Variants in RNF216 observed in about 807,000 individuals in gnomAD.
The protein encoded by RNF216 is E3 ubiquitin-protein ligase RNF216.
Under a neutral mutation model 110.8 loss-of-function variants are expected in RNF216, and 72 were observed. That is an observed-to-expected ratio of 0.65 (90% CI 0.54 to 0.79). The LOEUF (loss-of-function observed/expected upper bound fraction) is 0.79. Ranked by LOEUF, RNF216 falls within the 30% of genes least tolerant of loss-of-function variation. RNF216 has a pLI of 0.00. For missense variants in RNF216, 1,342 were observed against 1,141.2 expected (o/e 1.18, Z -2.54); for synonymous variants, 495 against 407.5 (o/e 1.21, Z -2.59).
chr7:5,710,409 G>A (rs185784783), intron 13 of RNF216, among the ~76,000 whole-genome samples: 2 of 151,674 alleles, frequency 1.3e-5, no homozygotes, highest in South Asian at 2.1e-4. Context: ...GAGAATAATG[G>A]TCTCTCCTCT....
chr7:5,691,235 C>T (rs1791318689), intron 13 of RNF216, among the ~76,000 whole-genome samples: 1 of 152,228 alleles, frequency 6.6e-6, no homozygotes, highest in African/African-American at 2.4e-5. Context: ...GGGAGACAAG[C>T]CACCTGACAC....
chr7:5,633,611 A>T (rs1276221321), intron 15 of RNF216, among the ~76,000 whole-genome samples: 2 of 152,128 alleles, frequency 1.3e-5, no homozygotes, highest in Non-Finnish European at 2.9e-5. Flanking sequence ...AAACAAGGAA[A>T]TAAGCGGATT....
rs1791607917 is a variant in RNF216 at position 5,696,050 on chromosome 7, C to A, written c.2061+15711G>T. On this transcript the variant is annotated intron_variant, in intron 13 of 16. Coordinates refer to ENST00000389902, the MANE Select transcript of RNF216 (RefSeq NM_207111.4). The surrounding 1 kb of genome is among the most constrained non-coding windows in gnomAD (Gnocchi z 5.4). ...AGGGGCTGTGGCTCTCAGCACAACCCAGCACGGCCTTGATCCCTGACTCCC... is the reference window on the plus strand; with the variant it reads ...AGGGGCTGTGGCTCTCAGCACAACCAAGCACGGCCTTGATCCCTGACTCCC... Among the ~76,000 whole-genome samples, 1 of 152,116 alleles carries A rather than the reference C, an allele frequency of 6.6e-6. No homozygotes were observed. Among genetic ancestry groups the A allele is most frequent in the South Asian group, 2.1e-4 (1 of 4,822 alleles).
At chr7:5,725,829 C>T (rs552214792) in intron 7 of RNF216, among the ~76,000 whole-genome samples, 3 of 144,466 alleles carry the variant, frequency 2.1e-5, no homozygotes, top group Non-Finnish European at 4.5e-5. Context: ...CACCACTGCA[C>T]TCCAGCCTGG....
chr7:5,766,200 G>T (rs1327674457), intron 1 of RNF216, among the ~76,000 whole-genome samples: 1 of 152,058 alleles, frequency 6.6e-6, no homozygotes, highest in South Asian at 2.1e-4. Flanking sequence ...TGAAGCAGGA[G>T]GATCTCCTGA....
chr7:5,721,123 T>G lies in RNF216; in HGVS notation c.1554A>C (p.Arg518=). Residue 518 remains arginine (R), a synonymous_variant, in exon 9 of 17, where the codon CGA becomes CGC. Coordinates refer to ENST00000389902, the MANE Select transcript of RNF216 (RefSeq NM_207111.4). ...KRMFFLENKR[R]HCRSYDRRAL... is the part of the protein sequence containing the mutation. ...CACGTCGGTCATAGGACCTACAATG[T>G]CGTCGCTTATTTTCAAGAAAGAACA... 1 of 1,614,008 alleles carries G rather than the reference T, an allele frequency of 6.2e-7. No homozygotes were observed. Among genetic ancestry groups the G allele is most frequent in the South Asian group, 1.1e-5 (1 of 91,080 alleles).
At chr7:5,675,446 T>C (rs1274163687) in intron 13 of RNF216, among the ~76,000 whole-genome samples, 1 of 152,004 alleles carries the variant, frequency 6.6e-6, no homozygotes, top group Non-Finnish European at 1.5e-5. Context: ...GAGACAAGCC[T>C]GGACAACAAA....
intron 15 of RNF216, among the ~76,000 whole-genome samples, chr7:5,638,684 C>G (rs369168799): frequency 6.8e-6 from 1 of 148,104 alleles, no homozygotes; most frequent in Non-Finnish European, 1.5e-5. Context: ...GTCACCCAGG[C>G]TACAGTGCAG....
intron 2 of RNF216, 85 bp from the exon 3 acceptor site, chr7:5,753,064 C>T: frequency 7.2e-7 from 1 of 1,389,190 alleles, no homozygotes. Context: ...GGGGTACAGC[C>T]TAAAGCCAAC....
At chr7:5,755,536 G>A (rs1417878986) in intron 2 of RNF216, among the ~76,000 whole-genome samples, 3 of 152,096 alleles carry the variant, frequency 2.0e-5, no homozygotes, top group Non-Finnish European at 4.4e-5. Flanking sequence ...GTCCTCAAAG[G>A]GAGGATTTCT....
At chr7:5,725,155 CT>C in intron 8 of RNF216, among the ~76,000 whole-genome samples, 168 bp downstream of exon 8, 1 of 152,332 alleles carries the variant, frequency 6.6e-6, no homozygotes, top group South Asian at 2.1e-4. Context: ...AGTGCAGCCA[CT>C]TCCTAAAAAT....
intron 1 of RNF216, among the ~76,000 whole-genome samples, chr7:5,775,613 T>C (rs1314114531): frequency 1.3e-5 from 2 of 152,120 alleles, no homozygotes; most frequent in Non-Finnish European, 2.9e-5. Flanking sequence ...CTCACACCTG[T>C]AATCCCAAAA....
At chr7:5,725,058 C>CAA (rs1157900314) in intron 8 of RNF216, among the ~76,000 whole-genome samples, 1 of 152,190 alleles carries the variant, frequency 6.6e-6, no homozygotes, top group Admixed American at 6.5e-5. Context: ...ACAGCACACT[C>CAA]AAATACCTTC....
At chr7:5,679,754 G>C (rs976245784) in intron 13 of RNF216, among the ~76,000 whole-genome samples, 10 of 152,190 alleles carry the variant, frequency 6.6e-5, no homozygotes, top group Non-Finnish European at 1.0e-4. Context: ...AGAGAAGAGC[G>C]TATCTGTGTG....
Position 5,774,057 on chromosome 7 carries a change from A to G in RNF216, c.-70+7484T>C, listed in dbSNP as rs1234320487. On this transcript the variant is annotated intron_variant, in intron 1 of 16. Coordinates refer to ENST00000389902, the MANE Select transcript of RNF216 (RefSeq NM_207111.4). ...ACACCAGTGGCCCCAACCTGTGAGA[A>G]GAAAAGAATTCTGATGATGGAATTT... Among the ~76,000 whole-genome samples the G allele has an allele frequency of 2.0e-5, 3 of 152,152 alleles. No individual in the cohort carries two copies. In the East Asian group the frequency reaches 5.8e-4, roughly 29 times the overall value.
At chr7:5,660,965 TTTTG>T (rs1384475123) in intron 13 of RNF216, among the ~76,000 whole-genome samples, 60 of 144,442 alleles carry the variant, frequency 4.2e-4, no homozygotes, top group African/African-American at 1.5e-3. Context: ...TTTTTTTTTT[TTTTG>T]AAACAGCATC....
chr7:5,735,325 A>G (rs1161079068), intron 5 of RNF216, among the ~76,000 whole-genome samples: 2 of 152,202 alleles, frequency 1.3e-5, no homozygotes, highest in Non-Finnish European at 2.9e-5. Flanking sequence ...TTTAGAAAAT[A>G]CACAAGAAAA....
chr7:5,660,265 C>CTTTTTTATTTTTTTTT (rs1789021661), intron 13 of RNF216, among the ~76,000 whole-genome samples: 1 of 33,604 alleles, frequency 3.0e-5, no homozygotes, highest in Non-Finnish European at 6.1e-5. Flanking sequence ...GTTTTAAATT[C>CTTTTTTATTTTTTTTT]TTTTTTTTTT....
At chr7:5,654,038 G>A (rs192562144) in intron 13 of RNF216, among the ~76,000 whole-genome samples, 7 of 152,284 alleles carry the variant, frequency 4.6e-5, no homozygotes, top group East Asian at 1.9e-4. Flanking sequence ...GAAGTAACAC[G>A]ATCAGGTATG....
Sources: allele counts gnomAD v4.1 joint callset (sites outside exome capture counted in the v4.1 genomes callset), GRCh38; gene constraint gnomAD v4.1.1; non-coding constraint Gnocchi (gnomAD v3.1); transcripts MANE v1.5; gene names NCBI Gene and HGNC (gene_info 2026-07-23, HGNC 2026-07-21).